Variants in MYRIP observed in about 807,000 individuals in gnomAD.
MYRIP encodes rab effector MyRIP.
Under a neutral mutation model 98.0 loss-of-function variants are expected in MYRIP, and 49 were observed. That is an observed-to-expected ratio of 0.50 (90% CI 0.40 to 0.63). The LOEUF (loss-of-function observed/expected upper bound fraction) is 0.63, where lower values mean the gene tolerates loss of function less well. MYRIP is among the 30% of genes least tolerant of loss of function. The probability of loss-of-function intolerance (pLI) is 0.00; values close to 1 mark genes in which losing one functional copy is unlikely to be tolerated. For missense variants in MYRIP, 1,004 were observed against 1,058.2 expected, an observed-to-expected ratio of 0.95 and a Z score of 0.71; for synonymous variants, 404 against 409.5, an observed-to-expected ratio of 0.99 and a Z score of 0.16.
chr3:39,937,921 T>C (rs919766115), intron 2 of MYRIP, among the ~76,000 whole-genome samples: 7 of 152,228 alleles, frequency 4.6e-5, no homozygotes, highest in South Asian at 2.1e-4. Flanking sequence ...GGTAGAATTA[T>C]AAAGAGAGAG....
chr3:39,809,648 G>T lies in MYRIP; in HGVS notation c.-299G>T, dbSNP rs1940595659. On this transcript the variant is annotated 5_prime_UTR_variant, in exon 1 of 17. Transcript: ENST00000302541. ...TGCCTGCGGCGCGGGCGCCTCCCTC[G>T]CAGCCGCTGCTGCCGACGCCGCTGC... 3 of 151,650 alleles carry T rather than the reference G, an allele frequency of 2.0e-5. No homozygotes were observed. Among genetic ancestry groups the T allele is most frequent in the Non-Finnish European group, 4.4e-5 (3 of 67,826 alleles). The allele number at this position is 151,650 out of a possible 1,614,324, so 9.4% of individuals were successfully genotyped here.
chr3:40,162,881 G>T (rs567782671), intron 5 of MYRIP, 71 bp downstream of exon 5: 4 of 1,406,418 alleles, frequency 2.8e-6, no homozygotes, highest in South Asian at 1.2e-5. Flanking sequence ...TACAGGTACT[G>T]CCAGGGTCCC....
chr3:39,866,478 A>AT (rs1203741672), intron 1 of MYRIP, among the ~76,000 whole-genome samples: 145 of 151,362 alleles, frequency 9.6e-4, no homozygotes, highest in South Asian at 2.5e-3. Context: ...ATAATAAAAA[A>AT]TTTTTTTTTG....
intron 2 of MYRIP, among the ~76,000 whole-genome samples, chr3:40,033,995 G>A (rs1365924397): frequency 6.6e-6 from 1 of 152,042 alleles, no homozygotes; most frequent in Non-Finnish European, 1.5e-5. Flanking sequence ...TTAATAAATG[G>A]TGCTGGGAAA....
At position 39,875,288 on chromosome 3, in the gene MYRIP, G is replaced by C. The variant is rs372728476; in HGVS notation, c.-30-25499G>C. 9.2e-3 allele frequency among the ~76,000 whole-genome samples: 1,389 copies of C among 151,490 alleles called. 25 individuals are homozygous for C. The highest frequency in any genetic ancestry group is 0.032 in the African/African-American group (1,308 of 41,286). ...CAATTTTGTTGATCCTTTCAAAAAA[G>C]CAGCTCCTGGATTCCTTAATTTTTT... On this transcript the variant is annotated intron_variant, in intron 1 of 16. Transcript: ENST00000302541.
chr3:40,161,085 A>T (rs1335117452), intron 4 of MYRIP, among the ~76,000 whole-genome samples: 2 of 152,120 alleles, frequency 1.3e-5, no homozygotes, highest in Admixed American at 1.3e-4. Context: ...TTCATCTGGG[A>T]TTTGTTGGAC....
intron 3 of MYRIP, among the ~76,000 whole-genome samples, chr3:40,101,115 G>T (rs1948936147): frequency 1.3e-5 from 2 of 151,830 alleles, no homozygotes; most frequent in Admixed American, 6.6e-5. Flanking sequence ...TGTTTTTACA[G>T]CTTATATCTT....
At chr3:40,253,043 A>G (rs139939454) in intron 16 of MYRIP, among the ~76,000 whole-genome samples, 1 of 152,234 alleles carries the variant, frequency 6.6e-6, no homozygotes, top group East Asian at 1.9e-4. Flanking sequence ...TGTAAGTAAC[A>G]TGAAGACATT....
rs1379290245 is a variant in MYRIP, at chr3:40,155,383, G to C, written c.469+4199G>C. Reference sequence around the variant, plus strand: ...ATATGTGCCACATTTTCTTAATCCAGTCTATCATTGTTGGACATTTGGGTT... The same window carrying C: ...ATATGTGCCACATTTTCTTAATCCACTCTATCATTGTTGGACATTTGGGTT... On this transcript the variant is annotated intron_variant, in intron 4 of 16. Coordinates refer to ENST00000302541, the MANE Select transcript of MYRIP (RefSeq NM_015460.4). Among the ~76,000 whole-genome samples, 60 of 151,116 alleles carry C rather than the reference G, an allele frequency of 4.0e-4. 1 individual carries two copies. The highest frequency in any genetic ancestry group is 5.1e-4 in the African/African-American group (21 of 41,086).
intron 2 of MYRIP, among the ~76,000 whole-genome samples, chr3:39,956,518 C>T (rs573129608): frequency 1.3e-5 from 2 of 152,334 alleles, no homozygotes; most frequent in African/African-American, 4.8e-5. Flanking sequence ...CTCTGAGACA[C>T]ATTCACAGCA....
At chr3:39,907,753 A>C (rs1164127664) in intron 2 of MYRIP, among the ~76,000 whole-genome samples, 1 of 152,184 alleles carries the variant, frequency 6.6e-6, no homozygotes, top group African/African-American at 2.4e-5. Flanking sequence ...CTTGTAGATG[A>C]AGAAACACGC....
intron 1 of MYRIP, among the ~76,000 whole-genome samples, chr3:39,885,819 A>G (rs1943283161): frequency 1.3e-5 from 2 of 152,056 alleles, no homozygotes; most frequent in Non-Finnish European, 2.9e-5. Flanking sequence ...TTCTTCACGT[A>G]GTTCTCAAGC....
chr3:40,071,171 C>T, intron 3 of MYRIP: 1 of 985,488 alleles, frequency 1.0e-6, no homozygotes, highest in Non-Finnish European at 1.2e-6. Context: ...TCTGACCTGA[C>T]TTGTTCCCTA....
intron 3 of MYRIP, among the ~76,000 whole-genome samples, chr3:40,116,427 TGTAA>T (rs1949281836): frequency 6.6e-6 from 1 of 152,120 alleles, no homozygotes; most frequent in Admixed American, 6.6e-5. Context: ...ATCCCCCTAC[TGTAA>T]GTAACTCCCT....
chr3:40,234,147 C>A, intron 12 of MYRIP, 94 bp downstream of exon 12: 2 of 1,188,640 alleles, frequency 1.7e-6, no homozygotes, highest in Non-Finnish European at 2.3e-6. Flanking sequence ...CAAGGACACA[C>A]ACATACACAC....
intron 1 of MYRIP, among the ~76,000 whole-genome samples, chr3:39,882,099 T>G (rs1009677488): frequency 1.3e-5 from 2 of 152,186 alleles, no homozygotes; most frequent in African/African-American, 2.4e-5. Flanking sequence ...AAACCTGATA[T>G]GTGAACATGC....
At chr3:40,123,829 G>A (rs1027494925) in intron 3 of MYRIP, among the ~76,000 whole-genome samples, 2 of 152,150 alleles carry the variant, frequency 1.3e-5, no homozygotes, top group African/African-American at 4.8e-5. Flanking sequence ...CCTGTTTCTA[G>A]CGGGTGGATG....
chr3:40,257,645 G>A (rs1953641884), intron 16 of MYRIP, among the ~76,000 whole-genome samples: 1 of 152,102 alleles, frequency 6.6e-6, no homozygotes, highest in South Asian at 2.1e-4. Flanking sequence ...TTGAATTAAA[G>A]TTCATATAAT....
chr3:39,899,429 T>A (rs550755800), intron 1 of MYRIP, among the ~76,000 whole-genome samples: 5 of 152,148 alleles, frequency 3.3e-5, no homozygotes, highest in Admixed American at 6.5e-5. Flanking sequence ...TTATTTATTT[T>A]TTGCTATTTT....
Sources: allele counts gnomAD v4.1 joint callset (sites outside exome capture counted in the v4.1 genomes callset), GRCh38; gene constraint gnomAD v4.1.1; transcripts MANE v1.5; gene names NCBI Gene and HGNC (gene_info 2026-07-23, HGNC 2026-07-21).